ZNF777: variants seen among roughly 807,000 people sequenced by gnomAD.
ZNF777 encodes zinc finger protein 777.
In ZNF777, 7 loss-of-function variants were observed where a neutral mutation model predicts 72.1. The observed-to-expected ratio is 0.10, with a 90% CI of 0.06 to 0.18. ZNF777 has a LOEUF of 0.18. Ranked by LOEUF, ZNF777 falls within the 10% of genes least tolerant of loss-of-function variation. The pLI is 1.00. For synonymous variants in ZNF777, 545 were observed against 483.5 expected (o/e 1.13, Z -1.67); for missense variants, 828 against 1,128.6 (o/e 0.73, Z 3.82).
At chr7:149,457,447 T>C (rs1799854698) in intron 1 of ZNF777, among the ~76,000 whole-genome samples, 1 of 152,232 alleles carries the variant, frequency 6.6e-6, no homozygotes, top group African/African-American at 2.4e-5. Flanking sequence ...CAGTCTGACA[T>C]ATAGTATGTG....
At position 149,455,473 on chromosome 7, in the gene ZNF777, T is replaced by C. The variant is rs769116990; in HGVS notation, c.550A>G (p.Thr184Ala). The C allele has an allele frequency of 9.3e-6, 15 of 1,613,996 alleles. No homozygotes were observed. In the East Asian group the frequency reaches 3.3e-4, roughly 36 times the overall value. ...ACGGCAGCCCACACAGCCAAGCGGG[T>C]GATCTCTGCCGTGGGGAGCGGCTGT... ...KEQPLPTAEI[T>A]RLAVWAAVQA... The change falls in exon 2 of 6, where the codon ACC becomes GCC. Residue 184 changes from threonine (T) to alanine (A), a missense_variant. Thr to Ala is a moderately conservative substitution (Grantham distance 58). Around this residue, in one of 12 missense-constraint regions of ZNF777, gnomAD observed 76 missense variants for 157.3 expected, o/e 0.48. Transcript: ENST00000247930. This position sits in a 1 kb window ranked among gnomAD's most constrained non-coding sequence, Gnocchi z 4.2.
At chr7:149,446,791 G>A (rs532495281) in intron 4 of ZNF777, among the ~76,000 whole-genome samples, 7 of 151,450 alleles carry the variant, frequency 4.6e-5, no homozygotes, top group Admixed American at 1.3e-4. Context: ...CTACTTCCTC[G>A]CCTCCCACCT....
At chr7:149,437,888 C>CA (rs1799445803) in intron 4 of ZNF777, among the ~76,000 whole-genome samples, 2 of 121,800 alleles carry the variant, frequency 1.6e-5, no homozygotes, top group African/African-American at 6.2e-5. Flanking sequence ...AAACCAATTT[C>CA]TTTTTTTTTT....
At chr7:149,456,149 A>C in intron 1 of ZNF777, 112 bp from the exon 2 acceptor site, 2 of 1,161,000 alleles carry the variant, frequency 1.7e-6, no homozygotes, top group Non-Finnish European at 2.3e-6. Flanking sequence ...GGTAGCAATA[A>C]TATGTGCCCC....
intron 4 of ZNF777, among the ~76,000 whole-genome samples, chr7:149,437,626 A>G (rs1160812022): frequency 6.6e-6 from 1 of 152,158 alleles, no homozygotes; most frequent in Admixed American, 6.5e-5. Flanking sequence ...AAATGGGATT[A>G]TAACATTTTT....
chr7:149,451,465 C>T (rs949365096), intron 3 of ZNF777, among the ~76,000 whole-genome samples: 3 of 151,946 alleles, frequency 2.0e-5, no homozygotes, highest in Admixed American at 6.6e-5. Flanking sequence ...CTGAGGCAGA[C>T]GCATCACCTG....
Position 149,431,656 on chromosome 7 carries a change from G to A in ZNF777, c.*120C>T, listed in dbSNP as rs1209512153. On this transcript the variant is annotated 3_prime_UTR_variant, in exon 6 of 6. Transcript: ENST00000247930. ...GGGAGGAGGGACGAGAGGAGAGGGGGAGCTCACGGCAAAGGGGCTGGGGGG... is the reference window on the plus strand; with the variant it reads ...GGGAGGAGGGACGAGAGGAGAGGGGAAGCTCACGGCAAAGGGGCTGGGGGG... The A allele has an allele frequency of 1.1e-6, 1 of 914,670 alleles. No homozygotes were observed. Among genetic ancestry groups the A allele is most frequent in the East Asian group, 9.2e-5 (1 of 10,866 alleles). 56.7% of individuals were successfully genotyped at this position (914,670 alleles called of 1,614,324 possible).
At chr7:149,456,310 C>T (rs995166014) in intron 1 of ZNF777, among the ~76,000 whole-genome samples, 2 of 152,144 alleles carry the variant, frequency 1.3e-5, no homozygotes, top group African/African-American at 2.4e-5. Flanking sequence ...GGGTACCTTA[C>T]GAACAGCAGT....
At chr7:149,433,008 C>T (rs2116566682) in intron 5 of ZNF777, 76 bp from the exon 6 acceptor site, 1 of 1,435,218 alleles carries the variant, frequency 7.0e-7, no homozygotes, top group South Asian at 1.6e-5. Context: ...AGGTACAGCA[C>T]TGCTTCACCC....
At chr7:149,442,913 T>C (rs999607611) in intron 4 of ZNF777, among the ~76,000 whole-genome samples, 3 of 152,218 alleles carry the variant, frequency 2.0e-5, no homozygotes, top group Non-Finnish European at 4.4e-5. Flanking sequence ...AAATAATACC[T>C]ATTACTGGTA....
chr7:149,445,832 C>T (rs1485335105), intron 4 of ZNF777, among the ~76,000 whole-genome samples: 1 of 152,136 alleles, frequency 6.6e-6, no homozygotes, highest in Non-Finnish European at 1.5e-5. Context: ...GAGCTTTAAG[C>T]GGTCTCTTTA....
intron 4 of ZNF777, among the ~76,000 whole-genome samples, chr7:149,437,718 T>C (rs968746494): frequency 1.3e-5 from 2 of 152,026 alleles, no homozygotes; most frequent in Non-Finnish European, 2.9e-5. Flanking sequence ...ACTTCCCAGG[T>C]AACTCCTATA....
intron 3 of ZNF777, 106 bp from the exon 4 acceptor site, chr7:149,451,218 G>A: frequency 1.0e-6 from 1 of 1,000,130 alleles, no homozygotes; most frequent in Non-Finnish European, 1.5e-6. Flanking sequence ...TCCTCGACTG[G>A]AGACCACAAT....
intron 4 of ZNF777, among the ~76,000 whole-genome samples, chr7:149,440,661 T>TG (rs1359030285): frequency 1.6e-4 from 21 of 132,404 alleles, no homozygotes; most frequent in African/African-American, 4.9e-4. Flanking sequence ...CCCAGCAGCC[T>TG]GTTGTTTTTT....
At chr7:149,448,218 C>T (rs1469606369) in intron 4 of ZNF777, among the ~76,000 whole-genome samples, 1 of 151,852 alleles carries the variant, frequency 6.6e-6, no homozygotes, top group African/African-American at 2.4e-5. Flanking sequence ...TTAATCCCAA[C>T]ACTTTGGGAG....
intron 3 of ZNF777, among the ~76,000 whole-genome samples, chr7:149,452,889 G>A (rs1338830147): frequency 6.6e-6 from 1 of 152,172 alleles, no homozygotes; most frequent in Non-Finnish European, 1.5e-5. Context: ...ACACAGAAGT[G>A]CACAAATACA....
At chr7:149,452,133 T>C (rs1321206711) in intron 3 of ZNF777, among the ~76,000 whole-genome samples, 1 of 151,386 alleles carries the variant, frequency 6.6e-6, no homozygotes, top group African/African-American at 2.4e-5. Flanking sequence ...GGCACGGTGG[T>C]GGGCACCTGT....
chr7:149,431,738 C>A lies in ZNF777; in HGVS notation c.*38G>T. The A allele has an allele frequency of 7.4e-7, 1 of 1,354,944 alleles. No individual in the cohort carries two copies. Among genetic ancestry groups the A allele is most frequent in the Admixed American group, 3.6e-5 (1 of 27,430 alleles). 83.9% of individuals were successfully genotyped at this position (1,354,944 alleles called of 1,614,324 possible). On this transcript the variant is annotated 3_prime_UTR_variant, in exon 6 of 6. Transcript: ENST00000247930. Reference sequence around the variant, plus strand: ...GGCGGTGTCCGAGGGGGGGCACGGCCCGCGCACCTGGCCGGGCGGCGGCGG... The same window carrying A: ...GGCGGTGTCCGAGGGGGGGCACGGCACGCGCACCTGGCCGGGCGGCGGCGG...
intron 4 of ZNF777, among the ~76,000 whole-genome samples, chr7:149,439,548 AAC>A (rs1799472344): frequency 1.3e-5 from 2 of 152,244 alleles, no homozygotes; most frequent in South Asian, 4.1e-4. Flanking sequence ...AAAATACATG[AAC>A]AAATTCTTCT....
Sources: gnomAD v4.1 joint callset for allele counts (sites outside exome capture counted in the v4.1 genomes callset) on GRCh38, gnomAD v4.1.1 for gene constraint, gnomAD v4.1.1 regional missense constraint, Gnocchi (gnomAD v3.1) non-coding constraint, MANE v1.5 for transcripts, NCBI Gene and HGNC (gene_info 2026-07-23, HGNC 2026-07-21) for gene names.